UBE2E2: variants seen among roughly 807,000 people sequenced by gnomAD.
The protein encoded by UBE2E2 is ubiquitin conjugating enzyme E2 E2, also known as ubiquitin-conjugating enzyme E2 E2.
A neutral mutation model predicts 24.7 loss-of-function variants in UBE2E2; 6 were observed. The observed-to-expected ratio is 0.24, with a 90% CI of 0.13 to 0.48. UBE2E2 has a LOEUF of 0.48. Among genes scored for constraint, UBE2E2 ranks in the 20% least tolerant of loss-of-function variants. The probability of loss-of-function intolerance (pLI) is 0.99; values close to 1 mark genes in which losing one functional copy is unlikely to be tolerated. For synonymous variants in UBE2E2, 104 were observed against 83.6 expected (o/e 1.24, Z -1.33); for missense variants, 169 against 245.0 (o/e 0.69, Z 2.07).
At chr3:23,310,814 C>T (rs1694362053) in intron 3 of UBE2E2, among the ~76,000 whole-genome samples, 1 of 152,068 alleles carries the variant, frequency 6.6e-6, no homozygotes, top group African/African-American at 2.4e-5. Context: ...TGAAACATCA[C>T]TAAGGATAAG....
intron 4 of UBE2E2, among the ~76,000 whole-genome samples, chr3:23,515,483 T>G (rs1198324284): frequency 4.6e-5 from 7 of 152,036 alleles, no homozygotes; most frequent in African/African-American, 1.7e-4. Flanking sequence ...AGCTACAGAA[T>G]GACAATGTTT....
At chr3:23,210,592 G>A (rs537818883) in intron 2 of UBE2E2, among the ~76,000 whole-genome samples, 1 of 152,146 alleles carries the variant, frequency 6.6e-6, no homozygotes, top group African/African-American at 2.4e-5. Context: ...CCTAATGATA[G>A]ATTTCACGAG....
chr3:23,228,528 T>C (rs1011680240), intron 3 of UBE2E2, among the ~76,000 whole-genome samples: 1 of 152,210 alleles, frequency 6.6e-6, no homozygotes. Flanking sequence ...CAAATTTCTT[T>C]ACGGTGATTA....
chr3:23,291,076 AAAAAAC>A, intron 3 of UBE2E2, among the ~76,000 whole-genome samples: 1 of 146,718 alleles, frequency 6.8e-6, no homozygotes, highest in Middle Eastern at 3.4e-3. Flanking sequence ...CTTTAAAAAA[AAAAAAC>A]AAAAAACGTG....
At chr3:23,455,656 A>G (rs772424060) in intron 3 of UBE2E2, among the ~76,000 whole-genome samples, 17 of 152,112 alleles carry the variant, frequency 1.1e-4, no homozygotes, top group Non-Finnish European at 2.4e-4. Context: ...ACGCCACTGC[A>G]CTCCAGTGTA....
chr3:23,419,627 C>T (rs1423796737), intron 3 of UBE2E2, among the ~76,000 whole-genome samples: 8 of 152,120 alleles, frequency 5.3e-5, no homozygotes, highest in Admixed American at 1.3e-4. Context: ...ACTTGCCTGC[C>T]GTGCATAGTT....
intron 5 of UBE2E2, among the ~76,000 whole-genome samples, chr3:23,574,015 ATATGCAATGGAGTAC>A (rs1285166040): frequency 1.3e-5 from 2 of 152,234 alleles, no homozygotes; most frequent in Non-Finnish European, 2.9e-5. Context: ...TGTGGTACAT[ATATGCAATGGAGTAC>A]TATTCAACAG....
intron 5 of UBE2E2, among the ~76,000 whole-genome samples, chr3:23,555,685 CAG>C (rs1274344973): frequency 6.6e-6 from 1 of 152,126 alleles, no homozygotes; most frequent in East Asian, 1.9e-4. Context: ...CGCACATACA[CAG>C]AGCAGAATAT....
At chr3:23,385,766 G>T (rs966405391) in intron 3 of UBE2E2, among the ~76,000 whole-genome samples, 1 of 152,184 alleles carries the variant, frequency 6.6e-6, no homozygotes, top group East Asian at 1.9e-4. Context: ...TCAGCTTCTT[G>T]TACTGGCTTC....
At chr3:23,204,339 G>C (rs1696068767) in intron 1 of UBE2E2, among the ~76,000 whole-genome samples, 1 of 152,074 alleles carries the variant, frequency 6.6e-6, no homozygotes, top group Non-Finnish European at 1.5e-5. Flanking sequence ...CTCGGTGGCT[G>C]TTAGACCCAT....
At chr3:23,445,534 C>G (rs889176197) in intron 3 of UBE2E2, among the ~76,000 whole-genome samples, 1 of 152,206 alleles carries the variant, frequency 6.6e-6, no homozygotes, top group Admixed American at 6.5e-5. Context: ...TGCCAAACTT[C>G]TTTTACCACA....
intron 5 of UBE2E2, among the ~76,000 whole-genome samples, chr3:23,552,965 G>A (rs1695678296): frequency 6.6e-6 from 1 of 151,924 alleles, no homozygotes; most frequent in African/African-American, 2.4e-5. Flanking sequence ...ATTTTTTTAT[G>A]TTAAGAAAAA....
chr3:23,208,884 GTTA>G lies in UBE2E2; in HGVS notation c.176+14_176+16del. 2 of 1,602,282 alleles carry G rather than the reference GTTA, an allele frequency of 1.2e-6. No individual in the cohort carries two copies. The highest frequency in any genetic ancestry group is 1.7e-6 in the Non-Finnish European group (2 of 1,174,332). ...TCAACTAGTGCTAAAAGGTACTTCA[GTTA>G]TTATAACCTTTTTATTGTTGGTATC... On this transcript the variant is annotated intron_variant, in intron 2 of 5. Transcript: ENST00000396703.
intron 3 of UBE2E2, among the ~76,000 whole-genome samples, chr3:23,442,818 G>C (rs1327596720): frequency 6.6e-6 from 1 of 152,122 alleles, no homozygotes; most frequent in African/African-American, 2.4e-5. Context: ...CTTTCCTGTA[G>C]CTCTGCCTGG....
intron 3 of UBE2E2, among the ~76,000 whole-genome samples, chr3:23,426,660 G>T (rs1697935016): frequency 6.6e-6 from 1 of 152,114 alleles, no homozygotes; most frequent in Non-Finnish European, 1.5e-5. Flanking sequence ...CAAAAGTGAA[G>T]AAGAGGTAAG....
intron 4 of UBE2E2, among the ~76,000 whole-genome samples, chr3:23,510,081 A>G (rs1694556974): frequency 6.6e-6 from 1 of 152,172 alleles, no homozygotes; most frequent in Non-Finnish European, 1.5e-5. Context: ...ATCTCTCCGT[A>G]AGGTAGCAGC....
chr3:23,273,287 C>G (rs1698295799), intron 3 of UBE2E2, among the ~76,000 whole-genome samples: 1 of 152,144 alleles, frequency 6.6e-6, no homozygotes, highest in Non-Finnish European at 1.5e-5. Flanking sequence ...CGCCTGTAAT[C>G]CCAGCACTTT....
Position 23,504,988 on chromosome 3 carries a change from A to G in UBE2E2, c.360+5248A>G, listed in dbSNP as rs115087011. 9.2e-3 allele frequency among the ~76,000 whole-genome samples: 1,323 copies of G among 143,920 alleles called. 27 individuals carry two copies. Among genetic ancestry groups the G allele is most frequent in the African/African-American group, 0.033 (1,282 of 38,352 alleles). The allele number at this position is 143,920 out of a possible 152,430, so 94.4% of individuals were successfully genotyped here. A position where few individuals can be genotyped will look rare whatever the true frequency, so the allele number is the denominator to read the frequency against. On this transcript the variant is annotated intron_variant, in intron 4 of 5. Transcript: ENST00000396703. ...CAGTGACGTGATCATGGCTTACTGC[A>G]ACCTCCGCCCAGTCTCAAGCGATCC...
intron 4 of UBE2E2, among the ~76,000 whole-genome samples, chr3:23,506,492 T>G (rs2125461314): frequency 6.6e-6 from 1 of 152,296 alleles, no homozygotes; most frequent in Non-Finnish European, 1.5e-5. Context: ...GGCTCAATCT[T>G]GACAATAAAT....
Sources: allele counts gnomAD v4.1 joint callset (sites outside exome capture counted in the v4.1 genomes callset), GRCh38; gene constraint gnomAD v4.1.1; transcripts MANE v1.5; gene names NCBI Gene and HGNC (gene_info 2026-07-23, HGNC 2026-07-21).